WDR74: variants seen among roughly 807,000 people sequenced by gnomAD.
WDR74 encodes the protein WD repeat domain 74.
A neutral mutation model predicts 45.6 loss-of-function variants in WDR74; 31 were observed. The observed-to-expected ratio is 0.68, with a 90% CI of 0.51 to 0.92. The LOEUF (loss-of-function observed/expected upper bound fraction) is 0.92. WDR74 is among the 40% of genes least tolerant of loss of function. WDR74 has a pLI of 0.00. For missense variants in WDR74, 455 were observed against 497.2 expected, an observed-to-expected ratio of 0.92 and a Z score of 0.81; for synonymous variants, 191 against 192.4, an observed-to-expected ratio of 0.99 and a Z score of 0.06.
chr11:62,839,696 T>G, upstream of WDR74: 1 of 1,175,506 alleles, frequency 8.5e-7, no homozygotes, highest in South Asian at 1.6e-5. Flanking sequence ...AAAGCTTCCA[T>G]GCTTGTTTTG....
Position 62,839,191 on chromosome 11 carries a change from G to C in WDR74, c.216C>G (p.Thr72=). 1 of 1,613,752 alleles carries C rather than the reference G, an allele frequency of 6.2e-7. No individual in the cohort carries two copies. Among genetic ancestry groups the C allele is most frequent in the Non-Finnish European group, 8.5e-7 (1 of 1,179,900 alleles). The change falls in exon 3 of 11, where the codon ACC becomes ACG. Residue 72 remains threonine (T), a synonymous_variant. Transcript: ENST00000278856. ...TCTGACCCTGGAATATGCCATCCTC[G>C]GTGCTGAAGTGCTTCACCGTCCTGT... ...CADRTVKHFS[T]EDGIFQGQRH... is the part of the protein sequence containing the mutation.
intron 3 of WDR74, among the ~76,000 whole-genome samples, chr11:62,838,525 G>A (rs1397282845): frequency 1.3e-4 from 20 of 151,688 alleles, no homozygotes; most frequent in African/African-American, 4.1e-4. Context: ...TTGGGAGTCC[G>A]AGGCAGGTGG....
At chr11:62,834,390 G>GGGGGGCCCCCC in intron 7 of WDR74, 37 bp downstream of exon 7, 1 of 1,584,244 alleles carries the variant, frequency 6.3e-7, no homozygotes, top group Non-Finnish European at 8.6e-7. Flanking sequence ...CCCTTCTCAA[G>GGGGGGCCCCCC]CCCCACCCTC....
chr11:62,839,651 G>GTGTA, upstream of WDR74: 12 of 1,496,088 alleles, frequency 8.0e-6, no homozygotes, highest in South Asian at 1.6e-4. Context: ...ATGCAGCGCA[G>GTGTA]TGTAGTTGCT....
chr11:62,834,005 C>A (rs1242845557), intron 8 of WDR74, 68 bp from the exon 9 acceptor site: 2 of 1,575,246 alleles, frequency 1.3e-6, no homozygotes, highest in African/African-American at 2.7e-5. Flanking sequence ...GTTTCCTGTT[C>A]CAATCACTTT....
In WDR74 at chr11:62,835,604, C is replaced by T. The variant is rs188428557; in HGVS notation, c.517-72G>A. On this transcript the variant is annotated intron_variant, in intron 5 of 10. Transcript: ENST00000278856. ...TGCCCCTGTTTTCAGCCCTCCTTCG[C>T]CCCCTAAGTCCATCTAGTCTCTAAT... The T allele has an allele frequency of 4.5e-4, 723 of 1,613,232 alleles. 2 individuals carry two copies. Among genetic ancestry groups the T allele is most frequent in the Admixed American group, 2.8e-3 (166 of 59,952 alleles).
Position 62,833,778 on chromosome 11 carries a change from G to A in WDR74, c.921+14C>T, listed in dbSNP as rs572269180. 1.9e-5 allele frequency: 30 copies of A among 1,612,512 alleles called. No homozygotes were observed. The East Asian group carries it at 6.7e-4, about 36-fold the overall frequency. On this transcript the variant is annotated intron_variant, in intron 9 of 10. Transcript: ENST00000278856. ...CCACAAGACCATGAGTTGGAGGTGG[G>A]AGAGACAACTTACCTTATGCTCCAG...
At chr11:62,838,020 T>C (rs1590989251) in intron 3 of WDR74, among the ~76,000 whole-genome samples, 1 of 152,206 alleles carries the variant, frequency 6.6e-6, no homozygotes, top group Middle Eastern at 3.4e-3. Flanking sequence ...GGAGGATCGT[T>C]TGACCCCGGG....
Position 62,833,038 on chromosome 11 carries a change from G to T in WDR74, c.1072C>A (p.Arg358=). Residue 358 remains arginine (R), a synonymous_variant, in exon 11 of 11, where the codon CGG becomes AGG. Coordinates refer to ENST00000278856, the MANE Select transcript of WDR74 (RefSeq NM_001369450.1). Reference sequence around the variant, plus strand: ...GGCTGCTCCAAACCCGAGAGCTTCCGCTTGGCAGCTGCCTCCAAGGATGCC... The same window carrying T: ...GGCTGCTCCAAACCCGAGAGCTTCCTCTTGGCAGCTGCCTCCAAGGATGCC... The part of the protein sequence containing the change: ...LWASLEAAAK[R]KLSGLEQPQG... The T allele has an allele frequency of 6.2e-7, 1 of 1,610,544 alleles. No individual in the cohort carries two copies. The highest frequency in any genetic ancestry group is 1.1e-5 in the South Asian group (1 of 90,420).
At chr11:62,833,442 T>A in intron 10 of WDR74, 176 bp downstream of exon 10, 1 of 784,558 alleles carries the variant, frequency 1.3e-6, no homozygotes, top group Non-Finnish European at 2.0e-6. Context: ...CCATCCATGC[T>A]GTTGGCAATA....
At chr11:62,839,870 G>A (rs1263473936), upstream of WDR74, 1 of 378,678 alleles carries the variant, frequency 2.6e-6, no homozygotes, top group Non-Finnish European at 4.8e-6. Context: ...GTTCTGGACT[G>A]TTAGACAAGA....
At position 62,839,374 on chromosome 11, in the gene WDR74, C is replaced by T; in HGVS notation, c.119G>A (p.Arg40Gln). The change falls in exon 2 of 11, where the codon CGG becomes CAG. Residue 40 changes from arginine (R) to glutamine (Q), a missense_variant. Physicochemically the swap from Arg to Gln is conservative, Grantham distance 43. Transcript: ENST00000278856. ...CAGGGCGCTCACTGCCTCCTCGCGC[C>T]GCGGCTGTCCTCCGGCCGTGAAGTT... Reference protein sequence around the residue: ...AANFTAGGQPRREEAVSALCW... With the variant: ...AANFTAGGQPQREEAVSALCW... 6.2e-7 allele frequency: 1 copy of T among 1,612,448 alleles called. No individual in the cohort carries two copies. Among genetic ancestry groups the T allele is most frequent in the Non-Finnish European group, 8.5e-7 (1 of 1,179,814 alleles).
chr11:62,834,911 A>AT (rs1442970128), intron 6 of WDR74: 1 of 251,142 alleles, frequency 4.0e-6, no homozygotes, highest in African/African-American at 2.2e-5. Flanking sequence ...GAGCAGAGGC[A>AT]TATGACCAAG....
Position 62,833,150 on chromosome 11 carries a change from G to T in WDR74, c.979-19C>A. 6.2e-7 allele frequency: 1 copy of T among 1,611,120 alleles called. No homozygotes were observed. Among genetic ancestry groups the T allele is most frequent in the Non-Finnish European group, 8.5e-7 (1 of 1,178,926 alleles). On this transcript the variant is annotated intron_variant, in intron 10 of 10. Coordinates refer to ENST00000278856, the MANE Select transcript of WDR74 (RefSeq NM_001369450.1). ...GCTCATCCTGGTGAGTGGGAAGAAA[G>T]CTTAGGAGTCAGGGGGGCCGGGCAC...
upstream of WDR74, among the ~76,000 whole-genome samples, chr11:62,840,888 T>C (rs372213748): frequency 6.6e-6 from 1 of 152,104 alleles, no homozygotes; most frequent in Non-Finnish European, 1.5e-5. Flanking sequence ...GTTTAACACA[T>C]CAAACGCGAA....
chr11:62,833,600 C>T lies in WDR74; in HGVS notation c.978+18G>A, dbSNP rs1173016293. 6.4e-7 allele frequency: 1 copy of T among 1,551,650 alleles called. No homozygotes were observed. The highest frequency in any genetic ancestry group is 8.7e-7 in the Non-Finnish European group (1 of 1,147,000). On this transcript the variant is annotated intron_variant, in intron 10 of 10. Coordinates refer to ENST00000278856, the MANE Select transcript of WDR74 (RefSeq NM_001369450.1). ...ATCTATGCCCTTGGCTCCCACATTC[C>T]CGGGCCCAACTGCTCACCTCCCAGT...
chr11:62,834,653 A>T, intron 6 of WDR74, 126 bp from the exon 7 acceptor site: 1 of 793,154 alleles, frequency 1.3e-6, no homozygotes, highest in Admixed American at 2.7e-5. Flanking sequence ...AAACTTTCTC[A>T]TCTTAGATGT....
chr11:62,841,361 G>A (rs142535417), upstream of WDR74, among the ~76,000 whole-genome samples: 5 of 152,140 alleles, frequency 3.3e-5, no homozygotes, highest in African/African-American at 4.8e-5. Flanking sequence ...TTAGCCGGGG[G>A]TGGTGGCAAG....
At position 62,833,895 on chromosome 11, in the gene WDR74, C is replaced by T. The variant is rs754497065; in HGVS notation, c.818G>A (p.Arg273His). 5.6e-6 allele frequency: 9 copies of T among 1,613,994 alleles called. No homozygotes were observed. The highest frequency in any genetic ancestry group is 2.2e-5 in the East Asian group (1 of 44,890). ...CTTTGAAGGGTGGCACTGCAACCCA[C>T]GCACACTGCCTGCCAGCCCCTTCAG... ...GCLKGLAGSV[R>H]GLQCHPSKPL... The change falls in exon 9 of 11, where the codon CGT becomes CAT. Residue 273 changes from arginine (R) to histidine (H), a missense_variant. Coordinates refer to ENST00000278856, the MANE Select transcript of WDR74 (RefSeq NM_001369450.1).
Sources: allele counts gnomAD v4.1 joint callset (sites outside exome capture counted in the v4.1 genomes callset), GRCh38; gene constraint gnomAD v4.1.1; transcripts MANE v1.5; gene names NCBI Gene and HGNC (gene_info 2026-07-23, HGNC 2026-07-21).